ZMYND12: variants seen among roughly 807,000 people sequenced by gnomAD.
ZMYND12 encodes zinc finger MYND-type containing 12, also known as zinc finger MYND domain-containing protein 12.
ZMYND12 carries 32 observed loss-of-function variants against 41.7 expected under a neutral mutation model. The ratio of observed to expected loss-of-function variants is 0.77; its 90% CI spans 0.58 to 1.03. The LOEUF (loss-of-function observed/expected upper bound fraction) is 1.03, where lower values mean the gene tolerates loss of function less well. Among genes scored for constraint, ZMYND12 ranks in the 50% least tolerant of loss-of-function variants. ZMYND12 has a pLI of 0.00. For missense variants in ZMYND12, 424 were observed against 438.5 expected (o/e 0.97, Z 0.30); for synonymous variants, 148 against 164.8 (o/e 0.90, Z 0.78).
intron 3 of ZMYND12, among the ~76,000 whole-genome samples, chr1:42,445,643 G>A (rs1051328771): frequency 2.0e-5 from 3 of 152,168 alleles, no homozygotes; most frequent in Admixed American, 1.3e-4. Context: ...AGAGAAGGCC[G>A]GTCGGTGTAA....
intron 1 of ZMYND12, among the ~76,000 whole-genome samples, chr1:42,451,606 GCACCTTCTTGGACAATATTGC>G (rs1020586657): frequency 5.9e-5 from 9 of 152,146 alleles, no homozygotes; most frequent in Non-Finnish European, 1.3e-4. Flanking sequence ...CCATGTTCAA[GCACCTTCTTGGACAATATTGC>G]CACCTTCTTG....
At chr1:42,436,345 T>C in intron 5 of ZMYND12, 76 bp downstream of exon 5, 1 of 1,585,164 alleles carries the variant, frequency 6.3e-7, no homozygotes, top group South Asian at 1.1e-5. Context: ...GGTATGTTTT[T>C]CATGAATAGT....
rs530954985 is a variant in ZMYND12, at chr1:42,446,793, A to T, written c.424+1674T>A. Among the ~76,000 whole-genome samples, 6 of 152,294 alleles carry T rather than the reference A, an allele frequency of 3.9e-5. No individual in the cohort carries two copies. The East Asian group carries it at 1.2e-3, about 29-fold the overall frequency. ...AGTAATACCCCAAAAGCATGAGTAC[A>T]TCTAGTGCACAGCTTTTGGCTTCTG... On this transcript the variant is annotated intron_variant, in intron 3 of 7. Transcript: ENST00000372565.
intron 3 of ZMYND12, among the ~76,000 whole-genome samples, chr1:42,440,252 G>GCAACTC (rs1642955391): frequency 6.6e-6 from 1 of 151,278 alleles, no homozygotes; most frequent in South Asian, 2.1e-4. Flanking sequence ...ACAAAAGGAG[G>GCAACTC]CATCTCCATC....
chr1:42,449,810 C>G, intron 2 of ZMYND12, 108 bp downstream of exon 2: 1 of 1,370,442 alleles, frequency 7.3e-7, no homozygotes, highest in Non-Finnish European at 9.9e-7. Flanking sequence ...AACAAAGTCT[C>G]TGCCCTCCGT....
chr1:42,455,206 T>G (rs944428545), intron 1 of ZMYND12, among the ~76,000 whole-genome samples: 2 of 152,356 alleles, frequency 1.3e-5, no homozygotes, highest in Admixed American at 1.3e-4. Flanking sequence ...TCACTACTCC[T>G]GTACACAGCA....
intron 3 of ZMYND12, among the ~76,000 whole-genome samples, chr1:42,442,514 T>C (rs1432893828): frequency 6.6e-6 from 1 of 152,178 alleles, no homozygotes; most frequent in Non-Finnish European, 1.5e-5. Context: ...GAGGCCTGCC[T>C]ACCTGCTTGA....
At chr1:42,454,775 C>T (rs1459963141) in intron 1 of ZMYND12, among the ~76,000 whole-genome samples, 1 of 151,270 alleles carries the variant, frequency 6.6e-6, no homozygotes, top group East Asian at 1.9e-4. Context: ...GCGATCTCGG[C>T]TCACTGCAAC....
Position 42,433,168 on chromosome 1 carries a change from TAAAACATGACCAGGATCTTCA to T in ZMYND12, c.929_949del (p.Leu310_Tyr317delinsHis), listed in dbSNP as rs1243998104. 36 of 1,611,014 alleles carry T rather than the reference TAAAACATGACCAGGATCTTCA, an allele frequency of 2.2e-5. No individual in the cohort carries two copies. The highest frequency in any genetic ancestry group is 2.9e-5 in the Non-Finnish European group (34 of 1,178,892). On this transcript the variant is annotated inframe_deletion, in exon 7 of 8. Coordinates refer to ENST00000372565, the MANE Select transcript of ZMYND12 (RefSeq NM_032257.5). ...CTTTGAAGAATTCATCATCAGGTAGTAAAACATGACCAGGATCTTCAGAACAAAGATGGTTTTTTGGGGGGC... is the reference window on the plus strand; with the variant it reads ...CTTTGAAGAATTCATCATCAGGTAGTGAACAAAGATGGTTTTTTGGGGGGC...
intron 1 of ZMYND12, among the ~76,000 whole-genome samples, chr1:42,455,669 T>C (rs1201462354): frequency 6.6e-6 from 1 of 152,184 alleles, no homozygotes; most frequent in Non-Finnish European, 1.5e-5. Context: ...CCTAAAATAG[T>C]GCATAACACA....
chr1:42,448,434 G>T, intron 3 of ZMYND12, 33 bp downstream of exon 3: 1 of 1,540,260 alleles, frequency 6.5e-7, no homozygotes, highest in Non-Finnish European at 8.8e-7. Flanking sequence ...CACCACTTAA[G>T]GGATCCAAGG....
intron 1 of ZMYND12, among the ~76,000 whole-genome samples, chr1:42,451,129 C>G (rs1333687430): frequency 1.3e-5 from 2 of 152,092 alleles, no homozygotes; most frequent in Non-Finnish European, 2.9e-5. Context: ...TATTTCCTTG[C>G]TGATCTGTCT....
chr1:42,449,916 A>G lies in ZMYND12; in HGVS notation c.252+2T>C, dbSNP rs982410736. ...AACCTTGGAAAGTGCCGTAGGCCCT[A>G]CCTGCCGCTGCTGCAGCTGCTGCAG... On this transcript the variant is annotated splice_donor_variant, in intron 2 of 7. Transcript: ENST00000372565. LOFTEE classifies it high-confidence loss of function. The G allele has an allele frequency of 6.2e-7, 1 of 1,609,592 alleles. No individual in the cohort carries two copies. The highest frequency in any genetic ancestry group is 2.2e-5 in the East Asian group (1 of 44,832).
chr1:42,452,668 G>C (rs184874544), intron 1 of ZMYND12, among the ~76,000 whole-genome samples: 1 of 151,870 alleles, frequency 6.6e-6, no homozygotes, highest in Non-Finnish European at 1.5e-5. Context: ...GTGCCACTGC[G>C]CTCCAGCCTG....
In ZMYND12 at chr1:42,435,359, CA is replaced by C; in HGVS notation, c.743del (p.Leu248Ter). ...GTGAGAGGACTTGATAGTGATTGTT[CA>C]AATATGCATGCCAGATCTCAGAGAC... is the stretch of plus-strand genomic sequence containing the variant. ...TKVSEIWHAYLNNHYQVLSQA... is the reference protein window; with the variant it reads ...TKVSEIWHAYXNNHYQVLSQA... On this transcript the variant is annotated frameshift_variant, in exon 6 of 8. Transcript: ENST00000372565. LOFTEE classifies it high-confidence loss of function. 3 of 1,613,850 alleles carry C rather than the reference CA, an allele frequency of 1.9e-6. No homozygotes were observed. The South Asian group carries it at 3.3e-5, about 18-fold the overall frequency.
At chr1:42,450,891 A>T (rs546307745) in intron 1 of ZMYND12, among the ~76,000 whole-genome samples, 1 of 152,158 alleles carries the variant, frequency 6.6e-6, no homozygotes, top group African/African-American at 2.4e-5. Flanking sequence ...AAATTTACCA[A>T]ATTTCCTTGT....
intron 7 of ZMYND12, 112 bp downstream of exon 7, chr1:42,433,031 G>A: frequency 7.3e-6 from 10 of 1,372,152 alleles, no homozygotes; most frequent in Non-Finnish European, 1.0e-5. Flanking sequence ...TTGGAGTGAG[G>A]GCTTGCTCTG....
intron 7 of ZMYND12, chr1:42,432,942 C>T (rs899930550): frequency 2.9e-5 from 17 of 593,072 alleles, no homozygotes; most frequent in African/African-American, 3.8e-5. Context: ...TGGGAACCCT[C>T]GGGGGAAGAA....
Position 42,440,303 on chromosome 1 carries a change from G to A in ZMYND12, c.425-278C>T, listed in dbSNP as rs147698639. 1.1e-4 allele frequency among the ~76,000 whole-genome samples: 17 copies of A among 152,258 alleles called. No homozygotes were observed. The East Asian group carries it at 3.1e-3, about 28-fold the overall frequency. On this transcript the variant is annotated intron_variant, in intron 3 of 7. Transcript: ENST00000372565. ...ATCTCCATGAGTGGAATATTACTCA[G>A]TCATAAGAAGGAATGAAGTAGTGCT...
Sources: allele counts gnomAD v4.1 joint callset (sites outside exome capture counted in the v4.1 genomes callset), GRCh38; gene constraint gnomAD v4.1.1; transcripts MANE v1.5; gene names NCBI Gene and HGNC (gene_info 2026-07-23, HGNC 2026-07-21).